Variants in SGCD observed in about 807,000 individuals in gnomAD.
The protein encoded by SGCD is delta-sarcoglycan.
Under a neutral mutation model 36.6 loss-of-function variants are expected in SGCD, and 18 were observed. The ratio of observed to expected loss-of-function variants is 0.49; its 90% CI spans 0.34 to 0.73. The LOEUF is 0.73. SGCD is among the 30% of genes least tolerant of loss of function. SGCD has a pLI of 0.01. For missense variants in SGCD, 387 were observed against 346.7 expected (o/e 1.12, Z -0.92); for synonymous variants, 133 against 130.6 (o/e 1.02, Z -0.12).
chr5:155,778,559 T>C, the SGCD span, among the ~76,000 whole-genome samples: 1 of 152,154 alleles, frequency 6.6e-6, no homozygotes, highest in Non-Finnish European at 1.5e-5. Flanking sequence ...AACACGGAAA[T>C]GCCAGAGCCT....
intron 3 of SGCD, among the ~76,000 whole-genome samples, chr5:156,273,662 GA>G (rs1459054075): frequency 6.6e-6 from 1 of 152,152 alleles, no homozygotes; most frequent in Non-Finnish European, 1.5e-5. Context: ...GTGAAGCCTT[GA>G]ATATTTGCTA....
intron 3 of SGCD, among the ~76,000 whole-genome samples, chr5:156,254,895 A>T (rs753095908): frequency 6.6e-6 from 1 of 152,120 alleles, no homozygotes; most frequent in East Asian, 1.9e-4. Context: ...AAATTTATAA[A>T]TTTTCTAGTA....
chr5:156,010,787 T>C (rs1758845231), intron 1 of SGCD, among the ~76,000 whole-genome samples: 1 of 152,196 alleles, frequency 6.6e-6, no homozygotes, highest in African/African-American at 2.4e-5. Flanking sequence ...ACTTACTAGC[T>C]GCCATGTAGA....
At chr5:155,930,076 A>G (rs1040264194) in intron 1 of SGCD, among the ~76,000 whole-genome samples, 4 of 152,280 alleles carry the variant, frequency 2.6e-5, no homozygotes, top group East Asian at 1.9e-4. Flanking sequence ...TTTTGAGGGT[A>G]TGTGATACAT....
intron 7 of SGCD, among the ~76,000 whole-genome samples, chr5:156,676,891 C>A (rs1453987712): frequency 2.0e-5 from 3 of 152,186 alleles, no homozygotes; most frequent in Non-Finnish European, 4.4e-5. Context: ...CAATGATGAG[C>A]AAGACAGATG....
intron 2 of SGCD, among the ~76,000 whole-genome samples, chr5:156,121,561 T>C (rs1311571013): frequency 6.6e-6 from 1 of 152,006 alleles, no homozygotes; most frequent in Non-Finnish European, 1.5e-5. Flanking sequence ...AAAATGATCA[T>C]TTTTGGGAGC....
At chr5:156,149,169 G>A (rs1287964351) in intron 3 of SGCD, among the ~76,000 whole-genome samples, 1 of 152,172 alleles carries the variant, frequency 6.6e-6, no homozygotes, top group Non-Finnish European at 1.5e-5. Flanking sequence ...GAGTACATGA[G>A]ATGTTTTGGT....
Position 156,755,847 on chromosome 5 carries a change from G to T in SGCD, c.576-1734G>T, listed in dbSNP as rs146937353. 1.2e-4 allele frequency among the ~76,000 whole-genome samples: 18 copies of T among 152,256 alleles called. 1 individual carries two copies. The highest frequency in any genetic ancestry group is 6.2e-4 in the South Asian group (3 of 4,826). On this transcript the variant is annotated intron_variant, in intron 7 of 8. Transcript: ENST00000337851. ...TTTTAGTTGAGTCATTGTAGGGGGGGACAATTCAAGGGAGAAGGCTGCTGC... is the reference window on the plus strand; with the variant it reads ...TTTTAGTTGAGTCATTGTAGGGGGGTACAATTCAAGGGAGAAGGCTGCTGC...
chr5:155,966,759 A>C (rs1356521174), intron 1 of SGCD, among the ~76,000 whole-genome samples: 4 of 152,114 alleles, frequency 2.6e-5, no homozygotes, highest in Admixed American at 6.6e-5. Flanking sequence ...GTAAGTCCTC[A>C]CCCAGAGTTG....
At chr5:156,561,570 TC>T in intron 4 of SGCD, among the ~76,000 whole-genome samples, 1 of 152,318 alleles carries the variant, frequency 6.6e-6, no homozygotes, top group South Asian at 2.1e-4. Flanking sequence ...TCAGAACTGT[TC>T]CTGTTAGGGT....
At position 156,069,911 on chromosome 5, in the gene SGCD, T is replaced by C. The variant is rs1414659293; in HGVS notation, c.-281-47967T>C. Among the ~76,000 whole-genome samples the C allele has an allele frequency of 5.9e-5, 9 of 152,212 alleles. No homozygotes were observed. In the East Asian group the frequency reaches 9.7e-4, roughly 16 times the overall value. The stretch of plus-strand genomic sequence containing the variant: ...GAAGCAATTGTGAATGGGAGTTCAC[T>C]CATGATTTGGCTCTCTGTTTGTCTG... On this transcript the variant is annotated intron_variant, in intron 1 of 9. Transcript: ENST00000517913.
intron 3 of SGCD, among the ~76,000 whole-genome samples, chr5:156,125,837 CTTT>C (rs1192824793): frequency 1.5e-5 from 2 of 133,158 alleles, no homozygotes; most frequent in East Asian, 2.1e-4. Context: ...CCCACTCATT[CTTT>C]TATTATTATT....
intron 1 of SGCD, among the ~76,000 whole-genome samples, chr5:156,006,187 A>G (rs1482407542): frequency 6.6e-6 from 1 of 152,208 alleles, no homozygotes; most frequent in Non-Finnish European, 1.5e-5. Flanking sequence ...AGAAGGAACC[A>G]TTTTGATCAC....
At position 156,061,932 on chromosome 5, in the gene SGCD, T is replaced by A. The variant is rs1209490050; in HGVS notation, c.-281-55946T>A. Among the ~76,000 whole-genome samples, 11 of 112,806 alleles carry A rather than the reference T, an allele frequency of 9.8e-5. 1 individual carries two copies. The highest frequency in any genetic ancestry group is 1.7e-4 in the African/African-American group (3 of 17,958). The allele number at this position is 112,806 out of a possible 152,430, so 74.0% of individuals were successfully genotyped here. On this transcript the variant is annotated intron_variant, in intron 1 of 9. Coordinates refer to the SGCD transcript ENST00000517913. ...CAGGAGTTTTCACTTTTTTTTTTTT[T>A]TTTTTTTTTTTTATTATACTCTAAG...
intron 1 of SGCD, among the ~76,000 whole-genome samples, chr5:155,950,321 G>A (rs1424402213): frequency 6.6e-6 from 1 of 152,144 alleles, no homozygotes; most frequent in Non-Finnish European, 1.5e-5. Context: ...ATAGTCAAGA[G>A]AGTCTCTGTC....
chr5:155,914,252 A>G (rs1756692202), intron 1 of SGCD, among the ~76,000 whole-genome samples: 1 of 152,196 alleles, frequency 6.6e-6, no homozygotes, highest in South Asian at 2.1e-4. Context: ...GAATGTGTGT[A>G]ACAAATGGGA....
chr5:155,865,682 A>G (rs1196014974), upstream of SGCD, among the ~76,000 whole-genome samples: 1 of 152,190 alleles, frequency 6.6e-6, no homozygotes, highest in Non-Finnish European at 1.5e-5. Context: ...TGAATTATGT[A>G]GCTCTCCAAA....
chr5:156,550,528 T>C (rs1010350716), intron 4 of SGCD, among the ~76,000 whole-genome samples: 2 of 152,198 alleles, frequency 1.3e-5, no homozygotes, highest in Non-Finnish European at 2.9e-5. Context: ...TGACCATTGA[T>C]TTACACTCAG....
intron 1 of SGCD, among the ~76,000 whole-genome samples, chr5:155,981,995 C>T (rs899002087): frequency 1.3e-5 from 2 of 152,192 alleles, no homozygotes; most frequent in Non-Finnish European, 2.9e-5. Context: ...GAGATCCTCC[C>T]TCCTCCTGGA....
Sources: gnomAD v4.1 joint callset for allele counts (sites outside exome capture counted in the v4.1 genomes callset) on GRCh38, gnomAD v4.1.1 for gene constraint, MANE v1.5 for transcripts, NCBI Gene and HGNC (gene_info 2026-07-23, HGNC 2026-07-21) for gene names.